The following CCDC171 variants were observed in gnomAD, a reference collection of about 807,000 sequenced individuals.
The protein encoded by CCDC171 is coiled-coil domain containing 171, also known as coiled-coil domain-containing protein 171.
CCDC171 carries 177 observed loss-of-function variants against 168.2 expected under a neutral mutation model. The observed-to-expected ratio is 1.05, with a 90% CI of 0.93 to 1.19. The LOEUF is 1.19. Among genes scored for constraint, CCDC171 ranks in the 50% most tolerant of loss-of-function variants. CCDC171 has a pLI of 0.00. For missense variants in CCDC171, 1,991 were observed against 1,539.0 expected (o/e 1.29, Z -4.91); for synonymous variants, 687 against 540.8 (o/e 1.27, Z -3.75).
At chr9:15,749,780 C>G (rs1012306374) in intron 18 of CCDC171, among the ~76,000 whole-genome samples, 2 of 152,094 alleles carry the variant, frequency 1.3e-5, no homozygotes, top group African/African-American at 4.8e-5. Flanking sequence ...CCAATGAGAA[C>G]AAAGACACAA....
chr9:15,946,591 C>G (rs1030831468), intron 25 of CCDC171, among the ~76,000 whole-genome samples: 15 of 152,026 alleles, frequency 9.9e-5, no homozygotes, highest in Non-Finnish European at 2.1e-4. Flanking sequence ...AATGGCCATA[C>G]TGCCCAAGGT....
the CCDC171 span, among the ~76,000 whole-genome samples, chr9:16,069,194 T>C: frequency 6.6e-6 from 1 of 152,210 alleles, no homozygotes; most frequent in Admixed American, 6.5e-5. Flanking sequence ...AAGAAAAGAC[T>C]AATTCTCAGA....
chr9:16,048,123 G>T (rs1303988121), intron 1 of CCDC171, among the ~76,000 whole-genome samples: 1 of 152,244 alleles, frequency 6.6e-6, no homozygotes, highest in African/African-American at 2.4e-5. Flanking sequence ...GTCAAGTTTT[G>T]ACATTGGCTG....
intron 9 of CCDC171, among the ~76,000 whole-genome samples, chr9:15,676,749 G>T (rs2049601467): frequency 2.0e-5 from 3 of 152,018 alleles, no homozygotes; most frequent in Admixed American, 6.6e-5. Flanking sequence ...GAAAGTTTTT[G>T]ATCTTTATCC....
intron 1 of CCDC171, among the ~76,000 whole-genome samples, chr9:15,559,525 G>T (rs987007618): frequency 2.0e-5 from 3 of 152,044 alleles, no homozygotes; most frequent in African/African-American, 7.2e-5. Context: ...TTAGTTTAAA[G>T]TCTGTCTTAT....
At chr9:15,647,817 T>C (rs1287491336) in intron 7 of CCDC171, among the ~76,000 whole-genome samples, 1 of 151,964 alleles carries the variant, frequency 6.6e-6, no homozygotes, top group South Asian at 2.1e-4. Flanking sequence ...CTGCCAGAGG[T>C]ACAAGGAGGA....
intron 24 of CCDC171, among the ~76,000 whole-genome samples, chr9:15,906,056 A>G: frequency 6.6e-6 from 1 of 152,220 alleles, no homozygotes; most frequent in Admixed American, 6.5e-5. Context: ...AAAAAAATCC[A>G]GGACCAGATG....
At chr9:15,579,765 C>T (rs1431406150) in intron 4 of CCDC171, among the ~76,000 whole-genome samples, 2 of 151,980 alleles carry the variant, frequency 1.3e-5, no homozygotes, top group Non-Finnish European at 2.9e-5. Context: ...TTTTTTCCTC[C>T]AACATTATGT....
intron 24 of CCDC171, among the ~76,000 whole-genome samples, chr9:15,895,907 A>C (rs1431351720): frequency 6.6e-6 from 1 of 152,034 alleles, no homozygotes; most frequent in African/African-American, 2.4e-5. Flanking sequence ...TCACTGATCT[A>C]GTAGTATCTT....
intron 25 of CCDC171, among the ~76,000 whole-genome samples, chr9:15,930,450 C>A (rs1057300030): frequency 1.4e-4 from 21 of 151,222 alleles, no homozygotes; most frequent in African/African-American, 5.1e-4. Flanking sequence ...GAAGAACATT[C>A]TTTTCAACAT....
chr9:15,669,133 G>A (rs981811989), intron 9 of CCDC171, among the ~76,000 whole-genome samples: 1 of 152,042 alleles, frequency 6.6e-6, no homozygotes, highest in Non-Finnish European at 1.5e-5. Flanking sequence ...AAAGCTGTGT[G>A]TATATTGCAG....
At chr9:16,101,723 C>CCA in the CCDC171 span, among the ~76,000 whole-genome samples, 13 of 152,192 alleles carry the variant, frequency 8.5e-5, no homozygotes, top group African/African-American at 2.9e-4. Context: ...GTGGAGAAGG[C>CCA]CACAGGGCAG....
In CCDC171 at chr9:15,779,098, A is replaced by G; in HGVS notation, c.3029A>G (p.Glu1010Gly). The G allele has an allele frequency of 6.2e-7, 1 of 1,602,218 alleles. No individual in the cohort carries two copies. Among genetic ancestry groups the G allele is most frequent in the Non-Finnish European group, 8.5e-7 (1 of 1,175,026 alleles). The stretch of plus-strand genomic sequence containing the variant: ...CGAAGTGTGAATGAAATGAAAAAGG[A>G]GCTTGACAAAGCCCAGGGTCTGCAA... ...FKRSVNEMKK[E>G]LDKAQGLQMQ... Residue 1010 changes from glutamate to glycine, a missense_variant, in exon 20 of 26, where the codon GAG becomes GGG. Physicochemically the swap from Glu to Gly is moderately conservative, Grantham distance 98. Transcript: ENST00000380701.
intron 7 of CCDC171, among the ~76,000 whole-genome samples, chr9:15,648,668 A>G (rs2047244711): frequency 6.6e-6 from 1 of 152,220 alleles, no homozygotes; most frequent in Non-Finnish European, 1.5e-5. Context: ...ATAGAATAAA[A>G]TACCTAGGAA....
At chr9:15,888,543 A>T (rs1304151244) in intron 24 of CCDC171, among the ~76,000 whole-genome samples, 1 of 152,198 alleles carries the variant, frequency 6.6e-6, no homozygotes, top group Non-Finnish European at 1.5e-5. Context: ...TTCCAGGGGT[A>T]TATGTTGACT....
At chr9:15,809,013 CTTATT>C (rs1371141715) in intron 21 of CCDC171, among the ~76,000 whole-genome samples, 3 of 152,070 alleles carry the variant, frequency 2.0e-5, no homozygotes, top group African/African-American at 7.2e-5. Context: ...CTCTTTGGGC[CTTATT>C]TATATAAGGG....
At chr9:15,640,434 T>A (rs1426110783) in intron 7 of CCDC171, among the ~76,000 whole-genome samples, 1 of 152,120 alleles carries the variant, frequency 6.6e-6, no homozygotes, top group Non-Finnish European at 1.5e-5. Context: ...TTATTAAGAT[T>A]TAAAATATTA....
At chr9:15,907,495 A>G (rs1158141157) in intron 24 of CCDC171, among the ~76,000 whole-genome samples, 1 of 152,226 alleles carries the variant, frequency 6.6e-6, no homozygotes, top group East Asian at 1.9e-4. Flanking sequence ...TACACCTCAT[A>G]CAAAAATTAA....
Position 15,610,223 on chromosome 9 carries a change from TTTTC to T in CCDC171, c.676-13037_676-13034del, listed in dbSNP as rs998712633. On this transcript the variant is annotated intron_variant, in intron 6 of 25. Transcript: ENST00000380701. The stretch of plus-strand genomic sequence containing the variant: ...CCCTTGATGGTCTTGTCTTCTTTTC[TTTTC>T]TTTCTTCTTGTTTTTGAGACTGGAT... Among the ~76,000 whole-genome samples the T allele has an allele frequency of 5.0e-4, 76 of 151,666 alleles. 1 individual carries two copies. The highest frequency in any genetic ancestry group is 1.6e-3 in the African/African-American group (68 of 41,380).
Sources: allele counts gnomAD v4.1 joint callset (sites outside exome capture counted in the v4.1 genomes callset), GRCh38; gene constraint gnomAD v4.1.1; transcripts MANE v1.5; gene names NCBI Gene and HGNC (gene_info 2026-07-23, HGNC 2026-07-21).